KCNT1: variants seen among roughly 807,000 people sequenced by gnomAD.
KCNT1 encodes potassium sodium-activated channel subfamily T member 1.
A neutral mutation model predicts 147.8 loss-of-function variants in KCNT1; 78 were observed. The observed-to-expected ratio is 0.53, with a 90% confidence interval of 0.44 to 0.64. KCNT1 has a LOEUF of 0.64. KCNT1 is among the 30% of genes least tolerant of loss of function. The pLI, the probability that KCNT1 is intolerant of heterozygous loss-of-function variation, is 0.00. For missense variants in KCNT1, 1,419 were observed against 1,750.3 expected (o/e 0.81, Z 3.38); for synonymous variants, 867 against 748.8 (o/e 1.16, Z -2.58).
intron 2 of KCNT1, among the ~76,000 whole-genome samples, chr9:135,740,974 C>A (rs1264911342): frequency 6.6e-6 from 1 of 151,680 alleles, no homozygotes; most frequent in African/African-American, 2.4e-5. Flanking sequence ...CTTGTTTGCA[C>A]AGAGCTCCAG....
rs1218571907 is a variant in KCNT1 at position 135,772,795 on chromosome 9, C to T, written c.2089C>T (p.Leu697=). The T allele has an allele frequency of 4.6e-6, 7 of 1,505,466 alleles. No individual in the cohort carries two copies. The highest frequency in any genetic ancestry group is 6.2e-6 in the Non-Finnish European group (7 of 1,124,536). 93.3% of individuals were successfully genotyped at this position (1,505,466 alleles called of 1,614,324 possible). ...GGGGGGSKLA[L]PTENGSGSRR... The stretch of plus-strand genomic sequence containing the variant: ...TGGGGGCGGGGGCAGCAAGCTGGCA[C>T]TGCCCACGGAGAACGGCTCGGGCAG... The change falls in exon 19 of 31, where the codon CTG becomes TTG. Residue 697 remains leucine (L), a synonymous_variant. Transcript: ENST00000371757.
At chr9:135,715,804 C>T (rs1460809627) in intron 2 of KCNT1, among the ~76,000 whole-genome samples, 2 of 152,254 alleles carry the variant, frequency 1.3e-5, no homozygotes, top group African/African-American at 2.4e-5. Context: ...CCTCTGCCTG[C>T]GGGGAATGGA....
chr9:135,778,471 A>G lies in KCNT1; in HGVS notation c.2570A>G (p.Tyr857Cys). 1 of 1,558,982 alleles carries G rather than the reference A, an allele frequency of 6.4e-7. No individual in the cohort carries two copies. Among genetic ancestry groups the G allele is most frequent in the Non-Finnish European group, 8.7e-7 (1 of 1,151,184 alleles). The part of the protein sequence containing the change: ...LEAICCFPMV[Y>C]YMEGSVDNLD... The stretch of plus-strand genomic sequence containing the variant: ...GCCATCTGCTGCTTCCCCATGGTCT[A>G]CTACATGGAGGGCTCTGTGGACAAG... Residue 857 changes from tyrosine to cysteine, a missense_variant, in exon 22 of 31, where the codon TAC becomes TGC. By Grantham distance (194) the Tyr-to-Cys change is radical (BLOSUM62 -2). This residue lies in a region of KCNT1 where 247 missense variants were observed against 397.1 expected (regional missense o/e 0.62). Coordinates refer to ENST00000371757, the MANE Select transcript of KCNT1 (RefSeq NM_020822.3).
chr9:135,736,994 G>C (rs1830370328), intron 2 of KCNT1: 1 of 287,746 alleles, frequency 3.5e-6, no homozygotes, highest in African/African-American at 2.2e-5. Context: ...CCCCCACGTA[G>C]GGGCTGAACA....
intron 11 of KCNT1, 41 bp downstream of exon 11, chr9:135,759,900 G>A: frequency 6.5e-7 from 1 of 1,537,086 alleles, no homozygotes. Flanking sequence ...CACCAGCAAA[G>A]GGACAGGCGG....
chr9:135,708,344 T>TG (rs1318042465), intron 1 of KCNT1, among the ~76,000 whole-genome samples: 2 of 152,248 alleles, frequency 1.3e-5, no homozygotes, highest in Non-Finnish European at 2.9e-5. Context: ...TTCGTACACA[T>TG]GCCTCTGCAT....
rs540765540 is a variant in KCNT1, at chr9:135,775,220, G to A, written c.2244-90G>A. 408 of 868,732 alleles carry A rather than the reference G, an allele frequency of 4.7e-4. 4 individuals are homozygous for A. In the East Asian group the frequency reaches 0.011, roughly 24 times the overall value. The allele number at this position is 868,732 out of a possible 1,614,324, so 53.8% of individuals were successfully genotyped here. ...CAACGTGGCTGTGGGTGGAGTGGGT[G>A]CCCTCGAGTCCCCCAGCCCGAGGGG... is the stretch of plus-strand genomic sequence containing the variant. On this transcript the variant is annotated intron_variant, in intron 19 of 30. Transcript: ENST00000371757.
chr9:135,774,122 G>A (rs1265081448), intron 19 of KCNT1, among the ~76,000 whole-genome samples: 1 of 151,458 alleles, frequency 6.6e-6, no homozygotes, highest in Non-Finnish European at 1.5e-5. Flanking sequence ...GTCACGTGTG[G>A]TGTGTGTTGT....
intron 2 of KCNT1, among the ~76,000 whole-genome samples, chr9:135,726,141 A>T (rs1463811544): frequency 6.7e-6 from 1 of 149,756 alleles, no homozygotes; most frequent in African/African-American, 2.4e-5. Flanking sequence ...GGGCAGGGGG[A>T]TGAGGGGAGG....
At chr9:135,732,010 A>AGC (rs1554766165) in intron 2 of KCNT1, among the ~76,000 whole-genome samples, 1 of 96,730 alleles carries the variant, frequency 1.0e-5, no homozygotes, top group East Asian at 3.2e-4. Flanking sequence ...AGAGAGAGAG[A>AGC]GAGAGAGAGA....
intron 1 of KCNT1, among the ~76,000 whole-genome samples, chr9:135,712,184 G>A (rs766355641): frequency 6.6e-5 from 10 of 152,090 alleles, no homozygotes; most frequent in South Asian, 2.1e-4. Flanking sequence ...GCTGTGTCCC[G>A]TCACCTCAGC....
chr9:135,726,605 G>T lies in KCNT1; in HGVS notation c.254+11885G>T, dbSNP rs191607915. Among the ~76,000 whole-genome samples the T allele has an allele frequency of 2.6e-5, 4 of 152,074 alleles. No homozygotes were observed. The East Asian group carries it at 7.8e-4, about 29-fold the overall frequency. ...GAGACCCAGATCAGACTCTGCCAAG[G>T]CCTCGCCCTACTCCCGCCCCCAACC... On this transcript the variant is annotated intron_variant, in intron 2 of 30. Transcript: ENST00000371757.
At chr9:135,768,785 C>T (rs773672917) in intron 14 of KCNT1, 44 bp from the exon 15 acceptor site, 1 of 1,573,520 alleles carries the variant, frequency 6.4e-7, no homozygotes, top group Non-Finnish European at 8.7e-7. Context: ...CAGCAGCCCA[C>T]AGAGGCCAGC....
At chr9:135,756,501 G>T (rs747090446) in intron 6 of KCNT1, among the ~76,000 whole-genome samples, 21 of 152,138 alleles carry the variant, frequency 1.4e-4, no homozygotes, top group Non-Finnish European at 2.5e-4. Context: ...TGTGCTGAGA[G>T]GGGTTCCGTG....
chr9:135,777,607 G>C (rs1833261252), intron 21 of KCNT1, 97 bp downstream of exon 21: 2 of 1,203,320 alleles, frequency 1.7e-6, no homozygotes, highest in Non-Finnish European at 1.2e-6. Flanking sequence ...CCTTTGCAGA[G>C]GGCACGGGAA....
chr9:135,773,331 C>A (rs1011261886), intron 19 of KCNT1, among the ~76,000 whole-genome samples: 3 of 152,206 alleles, frequency 2.0e-5, no homozygotes, highest in Non-Finnish European at 2.9e-5. Flanking sequence ...CATAGTGGCC[C>A]GGCCACTCTC....
intron 2 of KCNT1, among the ~76,000 whole-genome samples, chr9:135,728,308 C>T (rs1032243962): frequency 6.6e-6 from 1 of 152,220 alleles, no homozygotes; most frequent in African/African-American, 2.4e-5. Flanking sequence ...ATGGCAGCCC[C>T]AGGACACCCC....
At chr9:135,764,974 C>T (rs1009671053) in intron 11 of KCNT1, 57 bp from the exon 12 acceptor site, 120 of 1,546,662 alleles carry the variant, frequency 7.8e-5, no homozygotes, top group African/African-American at 2.3e-4. Context: ...GGTTCTTCAC[C>T]GGGAGCCCTC....
chr9:135,702,497 G>T, intron 1 of KCNT1, 129 bp downstream of exon 1: 1 of 765,170 alleles, frequency 1.3e-6, no homozygotes, highest in South Asian at 1.6e-5. Flanking sequence ...CCCAGGACCC[G>T]CGAGTGCCCT....
Sources: allele counts gnomAD v4.1 joint callset (sites outside exome capture counted in the v4.1 genomes callset), GRCh38; gene constraint gnomAD v4.1.1; regional missense constraint gnomAD v4.1.1; transcripts MANE v1.5; gene names NCBI Gene and HGNC (gene_info 2026-07-23, HGNC 2026-07-21).